Variants in MEGF10 observed in about 807,000 individuals in gnomAD.
MEGF10 encodes multiple EGF like domains 10, also known as multiple epidermal growth factor-like domains protein 10.
MEGF10 carries 86 observed loss-of-function variants against 147.5 expected under a neutral mutation model. The ratio of observed to expected loss-of-function variants is 0.58; its 90% CI spans 0.49 to 0.70. The LOEUF is 0.70. MEGF10 is among the 30% of genes least tolerant of loss of function. MEGF10 has a pLI of 0.00. For missense variants in MEGF10, 1,329 were observed against 1,487.3 expected (o/e 0.89, Z 1.75); for synonymous variants, 478 against 525.5 (o/e 0.91, Z 1.24).
intron 1 of MEGF10, among the ~76,000 whole-genome samples, chr5:127,317,769 G>A (rs1760622946): frequency 1.3e-5 from 2 of 152,176 alleles, no homozygotes; most frequent in South Asian, 4.1e-4. Flanking sequence ...TGTCATGGGG[G>A]AGGGATAGCA....
At chr5:127,437,966 T>C (rs1765618999) in intron 16 of MEGF10, among the ~76,000 whole-genome samples, 1 of 152,226 alleles carries the variant, frequency 6.6e-6, no homozygotes, top group South Asian at 2.1e-4. Flanking sequence ...AATTATTGTC[T>C]TCCTTATCCT....
intron 5 of MEGF10, among the ~76,000 whole-genome samples, chr5:127,393,105 A>T (rs1461254639): frequency 6.6e-6 from 1 of 152,220 alleles, no homozygotes; most frequent in Non-Finnish European, 1.5e-5. Flanking sequence ...AGCTATTTTC[A>T]TGTTAACTAT....
At chr5:127,435,602 TA>T in intron 16 of MEGF10, 113 bp downstream of exon 16, 1 of 1,045,192 alleles carries the variant, frequency 9.6e-7, no homozygotes, top group Non-Finnish European at 1.3e-6. Context: ...TATGACTAAT[TA>T]AAAGACACAT....
Position 127,455,559 on chromosome 5 carries a change from G to A in MEGF10, c.3184G>A (p.Ala1062Thr). ...KSPARRDSPY[A>T]EINNSTSANR... ...GCCGGCACGAAGAGATTCCCCATAT[G>A]CAGAGATCAATAACTCAACTTCAGC... Residue 1062 changes from alanine (A) to threonine (T), a missense_variant, in exon 24 of 25, where the codon GCA (alanine) becomes ACA (threonine). Transcript: ENST00000503335. The A allele has an allele frequency of 6.2e-7, 1 of 1,614,130 alleles. No individual in the cohort carries two copies. The highest frequency in any genetic ancestry group is 8.5e-7 in the Non-Finnish European group (1 of 1,180,020).
At chr5:127,310,200 C>T (rs1760228428) in intron 1 of MEGF10, among the ~76,000 whole-genome samples, 1 of 151,208 alleles carries the variant, frequency 6.6e-6, no homozygotes, top group South Asian at 2.1e-4. Flanking sequence ...TGCATATTGG[C>T]CATTGGTATA....
At chr5:127,394,455 A>G (rs11950058) in intron 5 of MEGF10, among the ~76,000 whole-genome samples, 25,420 of 152,060 alleles carry the variant, frequency 0.17, 2,254 homozygotes, top group African/African-American at 0.23. Flanking sequence ...TAATGGATTT[A>G]GCTCATACGG....
intron 1 of MEGF10, among the ~76,000 whole-genome samples, chr5:127,319,613 A>G (rs553262878): frequency 4.6e-5 from 7 of 152,260 alleles, no homozygotes; most frequent in African/African-American, 1.7e-4. Context: ...AACTTCTACC[A>G]TGCTTGTATC....
intron 5 of MEGF10, among the ~76,000 whole-genome samples, chr5:127,378,388 C>A (rs1763113583): frequency 6.6e-6 from 1 of 152,178 alleles, no homozygotes; most frequent in Admixed American, 6.5e-5. Context: ...AGTCTTTTGA[C>A]TGAACAGAGG....
At chr5:127,310,248 A>G (rs1760230508) in intron 1 of MEGF10, among the ~76,000 whole-genome samples, 1 of 151,822 alleles carries the variant, frequency 6.6e-6, no homozygotes, top group Non-Finnish European at 1.5e-5. Flanking sequence ...TTATTTGCCC[A>G]TATTTTAATT....
intron 2 of MEGF10, among the ~76,000 whole-genome samples, chr5:127,335,451 C>G (rs780482581): frequency 1.6e-4 from 25 of 152,128 alleles, no homozygotes; most frequent in African/African-American, 5.6e-4. Flanking sequence ...TAAGCACTGG[C>G]CATAGTGGCC....
chr5:127,284,045 C>T, the MEGF10 span, among the ~76,000 whole-genome samples: 3 of 152,146 alleles, frequency 2.0e-5, no homozygotes, highest in Non-Finnish European at 2.9e-5. Context: ...ACTCCTGATA[C>T]AGGGTCCAAG....
At chr5:127,310,479 T>C (rs1202613995) in intron 1 of MEGF10, among the ~76,000 whole-genome samples, 1 of 152,200 alleles carries the variant, frequency 6.6e-6, no homozygotes, top group Non-Finnish European at 1.5e-5. Flanking sequence ...CCAAGAATCA[T>C]TGCCAATTGC....
Position 127,445,698 on chromosome 5 carries a change from G to A in MEGF10, c.2728+5G>A. 2 of 1,607,168 alleles carry A rather than the reference G, an allele frequency of 1.2e-6. No individual in the cohort carries two copies. On this transcript the variant is annotated splice_donor_5th_base_variant and intron_variant, in intron 20 of 24. Coordinates refer to ENST00000503335, the MANE Select transcript of MEGF10 (RefSeq NM_001256545.2). Reference sequence around the variant, plus strand: ...ATGCAGATTATACCATTTCAGGTAAGAGCAGAGGCAGGAGAGGCATTTTGC... The same window carrying A: ...ATGCAGATTATACCATTTCAGGTAAAAGCAGAGGCAGGAGAGGCATTTTGC...
the MEGF10 span, among the ~76,000 whole-genome samples, chr5:127,255,343 G>C: frequency 1.3e-5 from 2 of 152,098 alleles, no homozygotes; most frequent in Non-Finnish European, 2.9e-5. Flanking sequence ...GCAAGCTAGG[G>C]AACAATGACT....
intron 1 of MEGF10, among the ~76,000 whole-genome samples, chr5:127,306,942 G>A (rs1324846904): frequency 1.3e-5 from 2 of 152,292 alleles, no homozygotes; most frequent in Admixed American, 1.3e-4. Context: ...TTAACTTGAG[G>A]TAATTTTTTT....
chr5:127,366,758 C>T (rs922567309), intron 4 of MEGF10, among the ~76,000 whole-genome samples: 2 of 152,124 alleles, frequency 1.3e-5, no homozygotes, highest in African/African-American at 4.8e-5. Context: ...TCATAAAACA[C>T]AAAGTTTGCA....
chr5:127,360,646 C>T (rs941341083), intron 4 of MEGF10, among the ~76,000 whole-genome samples: 17 of 151,832 alleles, frequency 1.1e-4, no homozygotes, highest in Non-Finnish European at 1.6e-4. Context: ...GTTGAGGAAA[C>T]GCCCTTCTGT....
At chr5:127,394,697 AG>A (rs1467572124) in intron 5 of MEGF10, among the ~76,000 whole-genome samples, 1 of 152,288 alleles carries the variant, frequency 6.6e-6, no homozygotes, top group East Asian at 1.9e-4. Context: ...AGGCAATAAA[AG>A]AAACAACTCA....
chr5:127,386,552 C>A (rs1763442986), intron 5 of MEGF10, among the ~76,000 whole-genome samples: 1 of 152,174 alleles, frequency 6.6e-6, no homozygotes, highest in Non-Finnish European at 1.5e-5. Flanking sequence ...ATGAAAAAGA[C>A]TAAATGTAAA....
Sources: allele counts gnomAD v4.1 joint callset (sites outside exome capture counted in the v4.1 genomes callset), GRCh38; gene constraint gnomAD v4.1.1; transcripts MANE v1.5; gene names NCBI Gene and HGNC (gene_info 2026-07-23, HGNC 2026-07-21).